Variants in TMEM178B observed in about 807,000 individuals in gnomAD.
TMEM178B encodes transmembrane protein 178B.
TMEM178B carries 5 observed loss-of-function variants against 31.0 expected under a neutral mutation model. The ratio of observed to expected loss-of-function variants is 0.16; its 90% CI spans 0.08 to 0.34. TMEM178B has a LOEUF of 0.34. Ranked by LOEUF, TMEM178B falls within the 10% of genes least tolerant of loss-of-function variation. The probability of loss-of-function intolerance (pLI) is 1.00; values close to 1 mark genes in which losing one functional copy is unlikely to be tolerated. For synonymous variants in TMEM178B, 164 were observed against 164.0 expected (o/e 1.00, Z 0.00); for missense variants, 275 against 400.3 (o/e 0.69, Z 2.67).
chr7:141,301,460 A>G (rs926158758), intron 2 of TMEM178B, among the ~76,000 whole-genome samples: 6 of 152,056 alleles, frequency 3.9e-5, no homozygotes, highest in African/African-American at 1.4e-4. Context: ...TGATATTTGT[A>G]AATTTTTTTT....
chr7:141,418,350 A>C (rs915611872), intron 2 of TMEM178B, among the ~76,000 whole-genome samples: 3 of 152,066 alleles, frequency 2.0e-5, no homozygotes, highest in African/African-American at 7.2e-5. Context: ...GCCCTTGACA[A>C]GGTCACAGGG....
chr7:141,214,292 T>G (rs1329451253), intron 2 of TMEM178B, among the ~76,000 whole-genome samples: 1 of 152,178 alleles, frequency 6.6e-6, no homozygotes, highest in East Asian at 1.9e-4. Flanking sequence ...AAGAAATTAT[T>G]GACATAGCAG....
chr7:141,091,654 G>A (rs1794882748), intron 1 of TMEM178B, among the ~76,000 whole-genome samples: 1 of 152,188 alleles, frequency 6.6e-6, no homozygotes, highest in Admixed American at 6.5e-5. Context: ...ATAACAACAA[G>A]AATATCCCTG....
At chr7:141,210,552 A>G (rs530572675) in intron 1 of TMEM178B, among the ~76,000 whole-genome samples, 1 of 152,286 alleles carries the variant, frequency 6.6e-6, no homozygotes, top group Non-Finnish European at 1.5e-5. Context: ...ATTAAATGAG[A>G]TGATATCAAT....
chr7:141,297,393 C>T (rs1341098158), intron 2 of TMEM178B, among the ~76,000 whole-genome samples: 7 of 152,078 alleles, frequency 4.6e-5, no homozygotes, highest in African/African-American at 9.7e-5. Context: ...TTCTAGGGTA[C>T]GTGTGCACAA....
intron 2 of TMEM178B, among the ~76,000 whole-genome samples, chr7:141,215,786 CT>C (rs1342144327): frequency 2.7e-5 from 1 of 37,308 alleles, no homozygotes; most frequent in Non-Finnish European, 5.3e-5. Context: ...TCCTTTCTTT[CT>C]TTCTTTCTTT....
intron 1 of TMEM178B, among the ~76,000 whole-genome samples, chr7:141,183,099 A>G (rs1489958632): frequency 1.3e-5 from 2 of 152,204 alleles, no homozygotes; most frequent in African/African-American, 4.8e-5. Flanking sequence ...CACTGCCTTA[A>G]TGGCTAGTAT....
intron 2 of TMEM178B, among the ~76,000 whole-genome samples, chr7:141,231,795 T>C (rs532316852): frequency 1.3e-5 from 2 of 152,260 alleles, no homozygotes; most frequent in Admixed American, 6.5e-5. Context: ...TCTTTCCTTT[T>C]TCCCATCAAC....
At chr7:141,108,341 C>T (rs1055012530) in intron 1 of TMEM178B, among the ~76,000 whole-genome samples, 5 of 152,038 alleles carry the variant, frequency 3.3e-5, no homozygotes, top group African/African-American at 7.2e-5. Flanking sequence ...GAGGGAGAAT[C>T]GTTAGAGTGA....
intron 2 of TMEM178B, among the ~76,000 whole-genome samples, chr7:141,413,824 T>G (rs986882664): frequency 2.8e-5 from 4 of 143,350 alleles, no homozygotes; most frequent in Non-Finnish European, 6.3e-5. Context: ...CTCTTTGATG[T>G]AAGAGCAACA....
rs974441205 is a variant in TMEM178B at position 141,474,052 on chromosome 7, A to G, written c.*3266A>G. Reference sequence around the variant, plus strand: ...GGCATTTAGGGTCAATGACCTCACTAAAGTCACCAGCCGCAACCCCAGGTC... The same window carrying G: ...GGCATTTAGGGTCAATGACCTCACTGAAGTCACCAGCCGCAACCCCAGGTC... On this transcript the variant is annotated 3_prime_UTR_variant, in exon 4 of 4. Transcript: ENST00000565468. 6.6e-6 allele frequency: 1 copy of G among 152,186 alleles called. No individual in the cohort carries two copies. The highest frequency in any genetic ancestry group is 2.4e-5 in the African/African-American group (1 of 41,432). 9.4% of individuals were successfully genotyped at this position (152,186 alleles called of 1,614,324 possible).
At chr7:141,216,734 C>T (rs778419352) in intron 2 of TMEM178B, among the ~76,000 whole-genome samples, 2 of 152,118 alleles carry the variant, frequency 1.3e-5, no homozygotes, top group Non-Finnish European at 2.9e-5. Flanking sequence ...GGATCCATGT[C>T]CTTAGTCCAC....
At chr7:141,323,108 T>A (rs1475110548) in intron 2 of TMEM178B, among the ~76,000 whole-genome samples, 1 of 152,214 alleles carries the variant, frequency 6.6e-6, no homozygotes, top group Non-Finnish European at 1.5e-5. Context: ...TTTCACAGAA[T>A]GTTAAGTTTA....
At chr7:141,291,648 G>A (rs979142396) in intron 2 of TMEM178B, among the ~76,000 whole-genome samples, 1 of 152,144 alleles carries the variant, frequency 6.6e-6, no homozygotes, top group African/African-American at 2.4e-5. Flanking sequence ...CATCCACCAA[G>A]ACAGTAGCAA....
intron 1 of TMEM178B, among the ~76,000 whole-genome samples, chr7:141,206,853 T>G (rs1796975478): frequency 1.3e-5 from 2 of 152,262 alleles, no homozygotes; most frequent in African/African-American, 4.8e-5. Flanking sequence ...AATAGTATTA[T>G]TAACTATAGG....
Position 141,383,172 on chromosome 7 carries a change from TTA to T in TMEM178B, c.497-54435_497-54434del, listed in dbSNP as rs200198556. ...TCTTTCTTTCTTTCTTTCTTTTTTT[TTA>T]AAGTCTAGCTTGTTTAATAAACAAG... On this transcript the variant is annotated intron_variant, in intron 2 of 3. Coordinates refer to ENST00000565468, the MANE Select transcript of TMEM178B (RefSeq NM_001195278.2). Among the ~76,000 whole-genome samples, 154 of 152,112 alleles carry T rather than the reference TTA, an allele frequency of 1.0e-3. 1 individual carries two copies. The highest frequency in any genetic ancestry group is 2.9e-3 in the African/African-American group (119 of 41,490).
chr7:141,272,623 G>A (rs1030117057), intron 2 of TMEM178B, among the ~76,000 whole-genome samples: 1 of 152,164 alleles, frequency 6.6e-6, no homozygotes, highest in Non-Finnish European at 1.5e-5. Context: ...ATATCTGTAG[G>A]CACAACCTCT....
rs142807849 is a variant in TMEM178B at position 141,436,016 on chromosome 7, G to A, written c.497-1592G>A. On this transcript the variant is annotated intron_variant, in intron 2 of 3. Transcript: ENST00000565468. ...TGTGCCCCGTCTCTCCCCACTCCCC[G>A]GCCAACTTCCTCCCTGGCCGGGGGC... Among the ~76,000 whole-genome samples, 10 of 152,198 alleles carry A rather than the reference G, an allele frequency of 6.6e-5. No homozygotes were observed. The East Asian group carries it at 9.7e-4, about 15-fold the overall frequency.
intron 3 of TMEM178B, among the ~76,000 whole-genome samples, chr7:141,469,424 T>A (rs1802199771): frequency 6.6e-6 from 1 of 152,160 alleles, no homozygotes; most frequent in Non-Finnish European, 1.5e-5. Context: ...CTGGAAAAAA[T>A]TAGGCTAGAT....
Sources: gnomAD v4.1 joint callset for allele counts (sites outside exome capture counted in the v4.1 genomes callset) on GRCh38, gnomAD v4.1.1 for gene constraint, MANE v1.5 for transcripts, NCBI Gene and HGNC (gene_info 2026-07-23, HGNC 2026-07-21) for gene names.